The following PTK2 variants were observed in gnomAD, a reference collection of about 807,000 sequenced individuals.
PTK2 encodes protein tyrosine kinase 2.
A neutral mutation model predicts 150.1 loss-of-function variants in PTK2; 45 were observed. The ratio of observed to expected loss-of-function variants is 0.30; its 90% confidence interval spans 0.24 to 0.38. The LOEUF (loss-of-function observed/expected upper bound fraction) is 0.38, where lower values mean the gene tolerates loss of function less well. PTK2 is among the 10% of genes least tolerant of loss of function. The pLI is 1.00. For synonymous variants in PTK2, 432 were observed against 449.2 expected, an observed-to-expected ratio of 0.96 and a Z score of 0.48; for missense variants, 919 against 1,307.3, an observed-to-expected ratio of 0.70 and a Z score of 4.58.
chr8:140,819,845 A>G (rs2100107081), intron 8 of PTK2, among the ~76,000 whole-genome samples: 1 of 152,058 alleles, frequency 6.6e-6, no homozygotes, highest in Non-Finnish European at 1.5e-5. Flanking sequence ...TGAGTTTTCT[A>G]CTTAAACACA....
At chr8:140,816,666 G>C (rs989043277) in intron 10 of PTK2, among the ~76,000 whole-genome samples, 3 of 152,230 alleles carry the variant, frequency 2.0e-5, no homozygotes, top group Non-Finnish European at 2.9e-5. Context: ...AATTCACAGA[G>C]GTGAGAAGAA....
At chr8:140,729,860 T>A (rs2100048155) in intron 22 of PTK2, among the ~76,000 whole-genome samples, 1 of 152,128 alleles carries the variant, frequency 6.6e-6, no homozygotes, top group African/African-American at 2.4e-5. Context: ...TTCTATCAGG[T>A]GCCTAACCAC....
intron 2 of PTK2, among the ~76,000 whole-genome samples, chr8:140,912,416 C>T (rs1004569077): frequency 4.0e-5 from 6 of 151,760 alleles, no homozygotes; most frequent in Admixed American, 1.3e-4. Flanking sequence ...ACTTCTTGAG[C>T]CCAGGAGCTT....
chr8:140,814,162 A>G (rs1396523318), intron 10 of PTK2, among the ~76,000 whole-genome samples: 1 of 152,174 alleles, frequency 6.6e-6, no homozygotes, highest in Non-Finnish European at 1.5e-5. Context: ...TCCGTAATAA[A>G]TAGCCTACCA....
rs369600102 is a variant in PTK2 at position 140,704,149 on chromosome 8, AT to A, written c.2230-1443del. On this transcript the variant is annotated intron_variant, in intron 24 of 31. Coordinates refer to ENST00000522684, the Ensembl canonical transcript of PTK2. Reference sequence around the variant, plus strand: ...AAGGGATGTATTATTGCCAGAAAACATTTAGGAATTTTCACAACAAGGAGGT... The same window carrying A: ...AAGGGATGTATTATTGCCAGAAAACATTAGGAATTTTCACAACAAGGAGGT... 2.8e-3 allele frequency among the ~76,000 whole-genome samples: 422 copies of A among 152,334 alleles called. 4 individuals are homozygous for A. Among genetic ancestry groups the A allele is most frequent in the Middle Eastern group, 0.02 (6 of 294 alleles).
intron 1 of PTK2, among the ~76,000 whole-genome samples, chr8:140,945,449 A>C (rs561474784): frequency 1.8e-4 from 27 of 152,112 alleles, no homozygotes; most frequent in Non-Finnish European, 1.2e-4. Flanking sequence ...AGCCAGGCAC[A>C]GTGGTGTGCA....
chr8:140,768,079 T>C (rs369893978), intron 14 of PTK2, among the ~76,000 whole-genome samples: 1 of 152,158 alleles, frequency 6.6e-6, no homozygotes, highest in East Asian at 1.9e-4. Flanking sequence ...AATAATGACA[T>C]TGACTACTAA....
intron 1 of PTK2, among the ~76,000 whole-genome samples, chr8:140,939,195 C>T (rs1010247787): frequency 6.6e-6 from 1 of 152,142 alleles, no homozygotes; most frequent in Non-Finnish European, 1.5e-5. Flanking sequence ...TATATCCTAA[C>T]CTTTAAATCC....
chr8:140,935,649 GT>G (rs142554525), intron 1 of PTK2, among the ~76,000 whole-genome samples: 1 of 149,152 alleles, frequency 6.7e-6, no homozygotes, highest in Admixed American at 6.7e-5. Context: ...TAAAATGAAA[GT>G]TTTTTTCCTA....
chr8:140,941,366 T>A (rs1356401536), intron 1 of PTK2, among the ~76,000 whole-genome samples: 2 of 152,164 alleles, frequency 1.3e-5, no homozygotes. Context: ...GAGGCTGTAA[T>A]AAACAGGTCT....
intron 1 of PTK2, among the ~76,000 whole-genome samples, chr8:140,993,207 A>G (rs2100196382): frequency 6.6e-6 from 1 of 152,238 alleles, no homozygotes; most frequent in South Asian, 2.1e-4. Flanking sequence ...GATAACTCCA[A>G]GTTCTTCCCT....
At chr8:140,902,035 ATTT>A (rs71308993) in intron 2 of PTK2, among the ~76,000 whole-genome samples, 16 of 137,954 alleles carry the variant, frequency 1.2e-4, no homozygotes, top group East Asian at 2.1e-4. Context: ...TATGTGCCAC[ATTT>A]TTTTTTTTTT....
intron 2 of PTK2, among the ~76,000 whole-genome samples, chr8:140,918,647 A>G (rs1290916289): frequency 1.3e-5 from 2 of 152,148 alleles, no homozygotes; most frequent in Non-Finnish European, 2.9e-5. Flanking sequence ...CTTTAAGGGT[A>G]CCTTAAAGGT....
exon 22 of PTK2, chr8:140,735,396 T>C (rs879153139): frequency 1.2e-6 from 2 of 1,614,164 alleles, no homozygotes; most frequent in Non-Finnish European, 1.7e-6. Flanking sequence ...ATTACATCAT[T>C]GTTCTTCACT....
At chr8:140,770,519 G>A (rs1651480507) in intron 14 of PTK2, among the ~76,000 whole-genome samples, 197 bp downstream of exon 15, 1 of 152,194 alleles carries the variant, frequency 6.6e-6, no homozygotes, top group Non-Finnish European at 1.5e-5. Context: ...GTATTCAAGA[G>A]AGTAACCCAA....
At chr8:140,787,695 G>A (rs2100085749) in intron 14 of PTK2, among the ~76,000 whole-genome samples, 1 of 152,194 alleles carries the variant, frequency 6.6e-6, no homozygotes, top group Admixed American at 6.5e-5. Flanking sequence ...AAAGACAGAT[G>A]CCAGGAATAG....
At chr8:140,902,276 C>A (rs2100158807) in intron 2 of PTK2, among the ~76,000 whole-genome samples, 1 of 152,168 alleles carries the variant, frequency 6.6e-6, no homozygotes, top group Admixed American at 6.5e-5. Context: ...ATCAGGCGAT[C>A]CACACGCCTC....
intron 24 of PTK2, among the ~76,000 whole-genome samples, chr8:140,703,427 C>A (rs971241771): frequency 1.3e-5 from 2 of 151,850 alleles, no homozygotes; most frequent in Admixed American, 1.3e-4. Flanking sequence ...AGAGCTAGTG[C>A]AAATATATAC....
At chr8:140,971,514 T>C (rs2100187277) in intron 1 of PTK2, among the ~76,000 whole-genome samples, 1 of 152,240 alleles carries the variant, frequency 6.6e-6, no homozygotes, top group South Asian at 2.1e-4. Context: ...CAAATTTTTC[T>C]AAAAGAGCCT....
Sources: gnomAD v4.1 joint callset for allele counts (sites outside exome capture counted in the v4.1 genomes callset) on GRCh38, gnomAD v4.1.1 for gene constraint, MANE v1.5 for transcripts, NCBI Gene and HGNC (gene_info 2026-07-23, HGNC 2026-07-21) for gene names.